TRIO: variants seen among roughly 807,000 people sequenced by gnomAD.
TRIO encodes the protein triple functional domain protein.
A neutral mutation model predicts 351.9 loss-of-function variants in TRIO; 58 were observed. The ratio of observed to expected loss-of-function variants is 0.16; its 90% CI spans 0.13 to 0.21. TRIO has a LOEUF of 0.21. Among genes scored for constraint, TRIO ranks in the 10% least tolerant of loss-of-function variants. The probability of loss-of-function intolerance (pLI) is 1.00; values close to 1 mark genes in which losing one functional copy is unlikely to be tolerated. For missense variants in TRIO, 3,201 were observed against 4,027.8 expected (o/e 0.79, Z 5.56); for synonymous variants, 1,758 against 1,595.7 (o/e 1.10, Z -2.42).
At position 14,330,886 on chromosome 5, in the gene TRIO, G is replaced by C; in HGVS notation, c.1840G>C (p.Glu614Gln). ...RALQKRHEDFEEVAQNTYTNA... is the reference protein window; with the variant it reads ...RALQKRHEDFQEVAQNTYTNA... Reference sequence around the variant, plus strand: ...ATTGCAGAAACGTCATGAAGATTTTGAAGAAGTGGCACAGGTAAAACAATG... The same window carrying C: ...ATTGCAGAAACGTCATGAAGATTTTCAAGAAGTGGCACAGGTAAAACAATG... The change falls in exon 10 of 57, where the codon GAA becomes CAA. Residue 614 changes from glutamate to glutamine, a missense_variant. Around this residue, in one of 19 missense-constraint regions of TRIO, gnomAD observed 38 missense variants for 93.4 expected, o/e 0.41. Transcript: ENST00000344204. 1 of 1,614,100 alleles carries C rather than the reference G, an allele frequency of 6.2e-7. No individual in the cohort carries two copies. Among genetic ancestry groups the C allele is most frequent in the Non-Finnish European group, 8.5e-7 (1 of 1,179,952 alleles).
intron 1 of TRIO, among the ~76,000 whole-genome samples, chr5:14,199,284 G>A (rs1292636830): frequency 6.6e-6 from 1 of 150,782 alleles, no homozygotes; most frequent in African/African-American, 2.4e-5. Flanking sequence ...AAAGGCAGTT[G>A]TGAGGTATTT....
In TRIO at chr5:14,366,274, C is replaced by T. The variant is rs1253145797; in HGVS notation, c.2755-586C>T. The stretch of plus-strand genomic sequence containing the variant: ...CTGCCACACCTTACTATCCAGAAGA[C>T]CTCCCACAATCTGTGGTTTCCACTG... On this transcript the variant is annotated intron_variant, in intron 15 of 56. Transcript: ENST00000344204. 3.3e-5 allele frequency among the ~76,000 whole-genome samples: 5 copies of T among 152,110 alleles called. No individual in the cohort carries two copies. In the South Asian group the frequency reaches 8.3e-4, roughly 25 times the overall value.
chr5:14,214,259 G>A (rs752831002), intron 1 of TRIO, among the ~76,000 whole-genome samples: 4 of 152,200 alleles, frequency 2.6e-5, no homozygotes, highest in Non-Finnish European at 5.9e-5. Flanking sequence ...TCCATAAGCC[G>A]TGGTGTTCAT....
In TRIO at chr5:14,487,977, G is replaced by C; in HGVS notation, c.7349G>C (p.Arg2450Pro). Residue 2450 changes from arginine to proline, a missense_variant, in exon 48 of 57, where the codon CGG becomes CCG. Arg to Pro is a moderately radical substitution (Grantham distance 103). Around this residue, in one of 19 missense-constraint regions of TRIO, gnomAD observed 1,089 missense variants for 954.9 expected, o/e 1.14. Coordinates refer to ENST00000344204, the MANE Select transcript of TRIO (RefSeq NM_007118.4). ...GGCACCCTGCCGCTTGGGAAGCCCC[G>C]GGCCGGGGCCGCTTCGCCGCTGAAC... ...SLGTLPLGKP[R>P]AGAASPLNSP... 1 of 1,554,654 alleles carries C rather than the reference G, an allele frequency of 6.4e-7. No individual in the cohort carries two copies. Among genetic ancestry groups the C allele is most frequent in the Non-Finnish European group, 8.7e-7 (1 of 1,150,210 alleles).
At chr5:14,194,088 T>G (rs1790611771) in intron 1 of TRIO, among the ~76,000 whole-genome samples, 1 of 152,194 alleles carries the variant, frequency 6.6e-6, no homozygotes, top group Non-Finnish European at 1.5e-5. Flanking sequence ...TAGACATAGC[T>G]TCTGTCCACT....
At chr5:14,220,680 C>G (rs1322827086) in intron 1 of TRIO, among the ~76,000 whole-genome samples, 1 of 152,190 alleles carries the variant, frequency 6.6e-6, no homozygotes, top group Non-Finnish European at 1.5e-5. Context: ...GATAGAAGAT[C>G]TAGCCAGCCA....
chr5:14,351,975 G>A (rs1458002288), intron 11 of TRIO, among the ~76,000 whole-genome samples: 1 of 152,222 alleles, frequency 6.6e-6, no homozygotes, highest in Non-Finnish European at 1.5e-5. Context: ...GTGAGGAGGG[G>A]CCTTTTCATC....
intron 54 of TRIO, among the ~76,000 whole-genome samples, chr5:14,503,336 C>T: frequency 6.6e-6 from 1 of 152,278 alleles, no homozygotes; most frequent in East Asian, 1.9e-4. Flanking sequence ...CATAACTAGT[C>T]ACATGGCTCC....
At chr5:14,263,083 A>G (rs1408174410) in intron 1 of TRIO, among the ~76,000 whole-genome samples, 1 of 152,052 alleles carries the variant, frequency 6.6e-6, no homozygotes, top group African/African-American at 2.4e-5. Context: ...TACTTCTTCC[A>G]CACTTCGCAC....
rs1277744262 is a variant in TRIO, at chr5:14,143,487, G to A, written c.-239G>A. Among the ~76,000 whole-genome samples, 1 of 147,792 alleles carries A rather than the reference G, an allele frequency of 6.8e-6. No individual in the cohort carries two copies. Among genetic ancestry groups the A allele is most frequent in the East Asian group, 2.0e-4 (1 of 5,012 alleles). On this transcript the variant is annotated 5_prime_UTR_variant, in exon 1 of 57. Transcript: ENST00000344204. ...TCCGGCCGGCGCCCGGGAGGCCGTG[G>A]CTCCGCGCCTCCGCCCCTCGGCCAG...
chr5:14,390,972 T>A lies in TRIO; in HGVS notation c.4200T>A (p.His1400Gln). The A allele has an allele frequency of 6.2e-7, 1 of 1,610,060 alleles. No individual in the cohort carries two copies. ...ATTCTACTCAGCTGATATTGGAACA[T>A]GCAGGGTCCTATTTTGACGTAAGTA... ...KPDSTQLILE[H>Q]AGSYFDEIQQ... The change falls in exon 27 of 57, where the codon CAT becomes CAA. Residue 1400 changes from histidine (H) to glutamine (Q), a missense_variant. By Grantham distance (24) the His-to-Gln change is conservative. Around this residue, in one of 19 missense-constraint regions of TRIO, gnomAD observed 115 missense variants for 239.6 expected, o/e 0.48. Coordinates refer to ENST00000344204, the MANE Select transcript of TRIO (RefSeq NM_007118.4).
chr5:14,275,975 CATAT>C (rs199856506), intron 2 of TRIO, among the ~76,000 whole-genome samples: 6 of 143,912 alleles, frequency 4.2e-5, no homozygotes, highest in East Asian at 2.0e-4. Flanking sequence ...TATATACATA[CATAT>C]ATATATATAC....
intron 33 of TRIO, among the ~76,000 whole-genome samples, chr5:14,415,761 T>G (rs1265087969): frequency 1.3e-5 from 2 of 152,218 alleles, no homozygotes; most frequent in Non-Finnish European, 2.9e-5. Flanking sequence ...TCCATATGTC[T>G]GGGCCTAAAG....
At chr5:14,194,039 A>T (rs988819642) in intron 1 of TRIO, among the ~76,000 whole-genome samples, 2 of 152,172 alleles carry the variant, frequency 1.3e-5, no homozygotes, top group Non-Finnish European at 2.9e-5. Context: ...GGCCTGTCCA[A>T]ACCCTCCATG....
intron 8 of TRIO, among the ~76,000 whole-genome samples, chr5:14,308,638 C>A (rs1738603035): frequency 7.2e-6 from 1 of 139,002 alleles, no homozygotes; most frequent in African/African-American, 2.5e-5. Flanking sequence ...AGTCACCCAA[C>A]CACCCATTCA....
At chr5:14,252,883 A>T (rs1396256145) in intron 1 of TRIO, among the ~76,000 whole-genome samples, 1 of 151,754 alleles carries the variant, frequency 6.6e-6, no homozygotes, top group Non-Finnish European at 1.5e-5. Context: ...GGGGGAGCTG[A>T]CCCCAGGGCA....
At chr5:14,399,158 G>T (rs1747857466) in intron 30 of TRIO, 88 bp downstream of exon 30, 10 of 1,239,056 alleles carry the variant, frequency 8.1e-6, no homozygotes, top group African/African-American at 1.5e-5. Flanking sequence ...ATTGTCTTCA[G>T]TTTAACCTCC....
intron 8 of TRIO, among the ~76,000 whole-genome samples, chr5:14,304,887 T>A (rs1738226190): frequency 6.6e-6 from 1 of 152,204 alleles, no homozygotes; most frequent in Non-Finnish European, 1.5e-5. Context: ...AAGAAATGTG[T>A]ATTTTGTGTG....
intron 31 of TRIO, among the ~76,000 whole-genome samples, chr5:14,402,015 A>C (rs1246618135): frequency 6.6e-6 from 1 of 152,284 alleles, no homozygotes; most frequent in East Asian, 1.9e-4. Flanking sequence ...CATTGTGTTC[A>C]TAAGATTTTT....
Sources: gnomAD v4.1 joint callset for allele counts (sites outside exome capture counted in the v4.1 genomes callset) on GRCh38, gnomAD v4.1.1 for gene constraint, gnomAD v4.1.1 regional missense constraint, MANE v1.5 for transcripts, NCBI Gene and HGNC (gene_info 2026-07-23, HGNC 2026-07-21) for gene names.